The following ZCCHC7 variants were observed in gnomAD, a reference collection of about 807,000 sequenced individuals.
The protein encoded by ZCCHC7 is zinc finger CCHC domain-containing protein 7.
ZCCHC7 carries 35 observed loss-of-function variants against 52.0 expected under a neutral mutation model. That is an observed-to-expected ratio of 0.67 (90% CI 0.51 to 0.89). The LOEUF is 0.89. Ranked by LOEUF, ZCCHC7 falls within the 40% of genes least tolerant of loss-of-function variation. The probability of loss-of-function intolerance (pLI) is 0.00; values close to 1 mark genes in which losing one functional copy is unlikely to be tolerated. For missense variants in ZCCHC7, 574 were observed against 649.1 expected (o/e 0.88, Z 1.26); for synonymous variants, 217 against 221.5 (o/e 0.98, Z 0.18).
At position 37,354,907 on chromosome 9, in the gene ZCCHC7, G is replaced by A; in HGVS notation, c.1198+83G>A. The A allele has an allele frequency of 4.7e-6, 4 of 845,086 alleles. No homozygotes were observed. In the South Asian group the frequency reaches 5.1e-5, roughly 11 times the overall value. 52.3% of individuals were successfully genotyped at this position (845,086 alleles called of 1,614,324 possible). A position where few individuals can be genotyped will look rare whatever the true frequency, so the allele number is the denominator to read the frequency against. On this transcript the variant is annotated intron_variant, in intron 8 of 8. Transcript: ENST00000336755. This position sits in a 1 kb window ranked among gnomAD's most constrained non-coding sequence, Gnocchi z 4.0. ...TTGTACTGTCTTTGCCTGCTTTGGGGGTCATTGGTTAGCATAGAAAGTATT... is the reference window on the plus strand; with the variant it reads ...TTGTACTGTCTTTGCCTGCTTTGGGAGTCATTGGTTAGCATAGAAAGTATT...
chr9:37,265,607 C>G (rs1218879316), intron 2 of ZCCHC7, among the ~76,000 whole-genome samples: 1 of 152,192 alleles, frequency 6.6e-6, no homozygotes, highest in South Asian at 2.1e-4. Flanking sequence ...CCTCATGCTA[C>G]CACTGTAGTT....
At chr9:37,190,373 TCTC>T (rs1262956762) in intron 2 of ZCCHC7, among the ~76,000 whole-genome samples, 3 of 152,212 alleles carry the variant, frequency 2.0e-5, no homozygotes, top group African/African-American at 7.2e-5. Context: ...ACTAGAGGCT[TCTC>T]CTGGAGTTCT....
At chr9:37,346,581 C>A in intron 6 of ZCCHC7, among the ~76,000 whole-genome samples, 1 of 152,098 alleles carries the variant, frequency 6.6e-6, no homozygotes, top group East Asian at 1.9e-4. Flanking sequence ...GAGGCTGAAA[C>A]CCAAGGATTG....
intron 2 of ZCCHC7, among the ~76,000 whole-genome samples, chr9:37,252,627 C>T (rs1228156255): frequency 6.6e-6 from 1 of 152,156 alleles, no homozygotes; most frequent in African/African-American, 2.4e-5. Context: ...TGAAGTGTAA[C>T]TAACGTTCAA....
At chr9:37,187,195 A>C (rs2133079285) in intron 2 of ZCCHC7, 1 of 152,392 alleles carries the variant, frequency 6.6e-6, no homozygotes, top group Non-Finnish European at 1.5e-5. Flanking sequence ...ACATCTTTTC[A>C]ACTGTGGTCT....
chr9:37,305,858 T>A, intron 5 of ZCCHC7, 144 bp downstream of exon 5: 1 of 797,824 alleles, frequency 1.3e-6, no homozygotes, highest in Non-Finnish European at 1.9e-6. Context: ...TATAGTCATG[T>A]CCATTTTGTC....
At chr9:37,244,116 G>A (rs1002720323) in intron 2 of ZCCHC7, among the ~76,000 whole-genome samples, 3 of 151,562 alleles carry the variant, frequency 2.0e-5, no homozygotes, top group Non-Finnish European at 3.0e-5. Context: ...TGCCCAGCTC[G>A]ACTTACAAAC....
intron 2 of ZCCHC7, among the ~76,000 whole-genome samples, chr9:37,171,801 G>T (rs1260115460): frequency 6.6e-6 from 1 of 152,040 alleles, no homozygotes; most frequent in Non-Finnish European, 1.5e-5. Flanking sequence ...AAAATTCCAA[G>T]ACCTTAGCTT....
intron 2 of ZCCHC7, among the ~76,000 whole-genome samples, chr9:37,143,271 G>A (rs1183257603): frequency 6.6e-6 from 1 of 151,752 alleles, no homozygotes; most frequent in African/African-American, 2.4e-5. Flanking sequence ...AACTATTGAA[G>A]TATGATCGAA....
intron 2 of ZCCHC7, among the ~76,000 whole-genome samples, chr9:37,214,302 A>T (rs1347268145): frequency 6.6e-6 from 1 of 152,042 alleles, no homozygotes; most frequent in Non-Finnish European, 1.5e-5. Flanking sequence ...GATTATTTTT[A>T]TGTTAAGGAA....
chr9:37,330,133 AG>A (rs1830398452), intron 6 of ZCCHC7, among the ~76,000 whole-genome samples: 1 of 151,772 alleles, frequency 6.6e-6, no homozygotes, highest in South Asian at 2.1e-4. Flanking sequence ...AAACCAAAAA[AG>A]TCTATAGGTT....
chr9:37,135,645 AT>A lies in ZCCHC7; in HGVS notation c.610+8709del, dbSNP rs201286907. 3.4e-4 allele frequency among the ~76,000 whole-genome samples: 51 copies of A among 152,106 alleles called. 1 individual carries two copies. In the East Asian group the frequency reaches 6.2e-3, roughly 18 times the overall value. ...TGTAGGTAAATTTGTTTATTTATTT[AT>A]TTTTTCCCTTAGGTAAATTTATTTG... On this transcript the variant is annotated intron_variant, in intron 2 of 8. Transcript: ENST00000336755.
chr9:37,163,365 G>A lies in ZCCHC7; in HGVS notation c.610+36423G>A, dbSNP rs528360258. On this transcript the variant is annotated intron_variant, in intron 2 of 8. Transcript: ENST00000336755. ...ATCATGCCACTGCACCCCGTCCTGG[G>A]TGACAGCAAGACTCCATCTCAAAAA... 4.3e-4 allele frequency among the ~76,000 whole-genome samples: 61 copies of A among 140,260 alleles called. 1 individual carries two copies. In the South Asian group the frequency reaches 0.014, roughly 31 times the overall value. 92.0% of individuals were successfully genotyped at this position (140,260 alleles called of 152,430 possible). A position where few individuals can be genotyped will look rare whatever the true frequency, so the allele number is the denominator to read the frequency against.
At chr9:37,301,705 CTCAGTGCCCAGTG>C (rs1829038350) in intron 2 of ZCCHC7, among the ~76,000 whole-genome samples, 1 of 152,156 alleles carries the variant, frequency 6.6e-6, no homozygotes, top group Non-Finnish European at 1.5e-5. Flanking sequence ...TTTGTTATGT[CTCAGTGCCCAGTG>C]TCAGTCATCT....
In ZCCHC7 at chr9:37,126,220, T is replaced by C; in HGVS notation, c.-21-92T>C. 4 of 1,208,150 alleles carry C rather than the reference T, an allele frequency of 3.3e-6. No homozygotes were observed. In the Admixed American group the frequency reaches 6.9e-5, roughly 21 times the overall value. The allele number at this position is 1,208,150 out of a possible 1,614,324, so 74.8% of individuals were successfully genotyped here. A position where few individuals can be genotyped will look rare whatever the true frequency, so the allele number is the denominator to read the frequency against. On this transcript the variant is annotated intron_variant, in intron 1 of 8. Transcript: ENST00000336755. ...CTGAGAATAGTGATGGCCTTCATAT[T>C]AGCAGTTGTCACTGACAGGTGATAT...
intron 2 of ZCCHC7, among the ~76,000 whole-genome samples, chr9:37,217,009 C>T (rs990773039): frequency 5.3e-5 from 8 of 151,982 alleles, no homozygotes; most frequent in Non-Finnish European, 8.8e-5. Flanking sequence ...TCTCACTTTT[C>T]TTTTTATTTA....
At chr9:37,227,044 AAAC>A (rs1825147944) in intron 2 of ZCCHC7, among the ~76,000 whole-genome samples, 2 of 151,930 alleles carry the variant, frequency 1.3e-5, no homozygotes, top group South Asian at 4.1e-4. Flanking sequence ...AAAAAAAAAA[AAAC>A]CAGGATATCT....
At chr9:37,299,010 G>A (rs542252661) in intron 2 of ZCCHC7, among the ~76,000 whole-genome samples, 2 of 152,234 alleles carry the variant, frequency 1.3e-5, no homozygotes, top group East Asian at 1.9e-4. Flanking sequence ...TTTGTTAAAC[G>A]GAGTTGATTT....
chr9:37,278,865 C>T (rs1827814013), intron 2 of ZCCHC7, among the ~76,000 whole-genome samples: 1 of 152,064 alleles, frequency 6.6e-6, no homozygotes, highest in Non-Finnish European at 1.5e-5. Flanking sequence ...GAATGAATGC[C>T]ACATGAAGAT....
Sources: allele counts gnomAD v4.1 joint callset (sites outside exome capture counted in the v4.1 genomes callset), GRCh38; gene constraint gnomAD v4.1.1; non-coding constraint Gnocchi (gnomAD v3.1); transcripts MANE v1.5; gene names NCBI Gene and HGNC (gene_info 2026-07-23, HGNC 2026-07-21).